The following FRMD4B variants were observed in gnomAD, a reference collection of about 807,000 sequenced individuals.
FRMD4B encodes the protein FERM domain-containing protein 4B.
FRMD4B carries 74 observed loss-of-function variants against 141.5 expected under a neutral mutation model. That is an observed-to-expected ratio of 0.52 (90% confidence interval 0.43 to 0.63). FRMD4B has a LOEUF of 0.63. Ranked by LOEUF, FRMD4B falls within the 30% of genes least tolerant of loss-of-function variation. The pLI is 0.00. For missense variants in FRMD4B, 1,366 were observed against 1,253.4 expected, an observed-to-expected ratio of 1.09 and a Z score of -1.36; for synonymous variants, 506 against 467.9, an observed-to-expected ratio of 1.08 and a Z score of -1.05.
intron 1 of FRMD4B, among the ~76,000 whole-genome samples, chr3:69,447,856 TG>T (rs1203584399): frequency 6.6e-6 from 1 of 152,234 alleles, no homozygotes; most frequent in Non-Finnish European, 1.5e-5. Flanking sequence ...GATTCATCCA[TG>T]TTATAGCACA....
chr3:69,172,181 G>T lies in FRMD4B; in HGVS notation c.2985-200C>A, dbSNP rs75463027. Among the ~76,000 whole-genome samples, 926 of 152,230 alleles carry T rather than the reference G, an allele frequency of 6.1e-3. 9 individuals are homozygous for T. The highest frequency in any genetic ancestry group is 0.021 in the African/African-American group (869 of 41,546). Reference sequence around the variant, plus strand: ...GCATTGTTTAACAGGCCCATAAAAAGGATTATTTAATTCTCTGGAAAGATA... The same window carrying T: ...GCATTGTTTAACAGGCCCATAAAAATGATTATTTAATTCTCTGGAAAGATA... On this transcript the variant is annotated intron_variant, in intron 22 of 22. Transcript: ENST00000398540.
intron 1 of FRMD4B, among the ~76,000 whole-genome samples, chr3:69,323,608 G>GTATA (rs55847019): frequency 0.02 from 2,043 of 100,850 alleles, 41 homozygotes; most frequent in Non-Finnish European, 0.026. Flanking sequence ...CTCTCTCTGT[G>GTATA]TATATATATA....
intron 5 of FRMD4B, among the ~76,000 whole-genome samples, chr3:69,283,609 A>G (rs1434426284): frequency 6.6e-6 from 1 of 152,226 alleles, no homozygotes; most frequent in East Asian, 1.9e-4. Flanking sequence ...TGCATTAGCA[A>G]CAGAGAAAAC....
At chr3:69,185,300 CAA>C (rs1237352393) in intron 19 of FRMD4B, among the ~76,000 whole-genome samples, 13 of 67,926 alleles carry the variant, frequency 1.9e-4, no homozygotes, top group African/African-American at 3.5e-4. Flanking sequence ...GACTCCGTCT[CAA>C]AAAAAAAAAA....
chr3:69,252,942 A>G (rs2093472157), intron 5 of FRMD4B, among the ~76,000 whole-genome samples: 1 of 152,122 alleles, frequency 6.6e-6, no homozygotes, highest in South Asian at 2.1e-4. Context: ...GGTAATATGA[A>G]CAGTATCAAG....
intron 7 of FRMD4B, among the ~76,000 whole-genome samples, chr3:69,236,280 G>A (rs2093345401): frequency 6.6e-6 from 1 of 150,594 alleles, no homozygotes; most frequent in South Asian, 2.1e-4. Flanking sequence ...CCAGGCTGGA[G>A]TGCAGTGGCA....
At chr3:69,340,512 T>C (rs765763461) in intron 1 of FRMD4B, among the ~76,000 whole-genome samples, 24 of 152,204 alleles carry the variant, frequency 1.6e-4, no homozygotes, top group Non-Finnish European at 2.6e-4. Flanking sequence ...CATGTTTTCA[T>C]AGGAGACATC....
chr3:69,277,391 AG>A (rs1269551445), intron 5 of FRMD4B, among the ~76,000 whole-genome samples: 3 of 151,972 alleles, frequency 2.0e-5, no homozygotes, highest in Non-Finnish European at 4.4e-5. Flanking sequence ...AAATAAACCT[AG>A]GTTTTATCGT....
chr3:69,213,867 G>A (rs944350004), intron 11 of FRMD4B, among the ~76,000 whole-genome samples: 3 of 151,502 alleles, frequency 2.0e-5, no homozygotes, highest in Non-Finnish European at 4.4e-5. Context: ...TTGTAGAGAT[G>A]GGGTCTTGTC....
intron 1 of FRMD4B, among the ~76,000 whole-genome samples, chr3:69,347,056 G>A (rs1005305351): frequency 3.3e-5 from 5 of 152,138 alleles, no homozygotes; most frequent in Admixed American, 2.6e-4. Context: ...AAAGAGTCAA[G>A]ACCCATCAGT....
chr3:69,184,359 G>A (rs375622337), intron 19 of FRMD4B, among the ~76,000 whole-genome samples: 3 of 151,738 alleles, frequency 2.0e-5, no homozygotes, highest in Non-Finnish European at 4.4e-5. Context: ...CTTTTTCAAC[G>A]CTCACTTTTT....
chr3:69,212,381 G>GAAAA (rs61444871), intron 11 of FRMD4B, among the ~76,000 whole-genome samples: 1 of 95,596 alleles, frequency 1.0e-5, no homozygotes, highest in Non-Finnish European at 1.9e-5. Flanking sequence ...AAAAAAAAAA[G>GAAAA]AAAAAAAAAA....
At chr3:69,358,001 G>A (rs1029532550) in intron 1 of FRMD4B, among the ~76,000 whole-genome samples, 1 of 152,148 alleles carries the variant, frequency 6.6e-6, no homozygotes, top group African/African-American at 2.4e-5. Context: ...TCTGACCTTC[G>A]AAAAATTTGC....
At chr3:69,314,641 C>G (rs975255715) in intron 1 of FRMD4B, among the ~76,000 whole-genome samples, 4 of 151,730 alleles carry the variant, frequency 2.6e-5, no homozygotes, top group Non-Finnish European at 5.9e-5. Context: ...TTGAGACCAG[C>G]CTGGTCAACA....
At chr3:69,204,239 G>A (rs971088802) in intron 11 of FRMD4B, among the ~76,000 whole-genome samples, 4 of 152,078 alleles carry the variant, frequency 2.6e-5, no homozygotes, top group Non-Finnish European at 1.5e-5. Context: ...CTTCCCAGGG[G>A]CATGAAAGAC....
chr3:69,431,398 C>T (rs1357568187), intron 2 of FRMD4B, among the ~76,000 whole-genome samples: 1 of 152,130 alleles, frequency 6.6e-6, no homozygotes, highest in East Asian at 1.9e-4. Flanking sequence ...TACAAATATG[C>T]CCAGAGTTAA....
chr3:69,305,256 G>A (rs1234170718), intron 3 of FRMD4B, among the ~76,000 whole-genome samples: 1 of 152,152 alleles, frequency 6.6e-6, no homozygotes, highest in African/African-American at 2.4e-5. Context: ...ATACTCAGCA[G>A]GTTAAATGCC....
intron 2 of FRMD4B, among the ~76,000 whole-genome samples, chr3:69,427,648 T>TTTTTTTTTG: frequency 8.6e-6 from 1 of 115,670 alleles, no homozygotes; most frequent in Non-Finnish European, 1.8e-5. Context: ...TAAATGTTTT[T>TTTTTTTTTG]TTTTTTTTTT....
At chr3:69,471,440 G>A in intron 1 of FRMD4B, 1 of 254,218 alleles carries the variant, frequency 3.9e-6, no homozygotes, top group African/African-American at 2.2e-5. Context: ...ATATTGCTGA[G>A]ATTTTATTAA....
Sources: allele counts gnomAD v4.1 joint callset (sites outside exome capture counted in the v4.1 genomes callset), GRCh38; gene constraint gnomAD v4.1.1; transcripts MANE v1.5; gene names NCBI Gene and HGNC (gene_info 2026-07-23, HGNC 2026-07-21).